Variants in ITGB5 observed in about 807,000 individuals in gnomAD.
ITGB5 encodes the protein integrin beta-5.
A neutral mutation model predicts 84.8 loss-of-function variants in ITGB5; 38 were observed. The observed-to-expected ratio is 0.45, with a 90% CI of 0.35 to 0.59. ITGB5 has a LOEUF of 0.59. ITGB5 is among the 20% of genes least tolerant of loss of function. ITGB5 has a pLI of 0.01. For synonymous variants in ITGB5, 393 were observed against 414.4 expected (o/e 0.95, Z 0.63); for missense variants, 905 against 1,034.5 (o/e 0.87, Z 1.72).
intron 5 of ITGB5, among the ~76,000 whole-genome samples, chr3:124,823,883 A>G (rs1006836451): frequency 2.0e-5 from 3 of 152,174 alleles, no homozygotes; most frequent in African/African-American, 7.2e-5. Flanking sequence ...CTAGCAAGGA[A>G]GCAGAAAACC....
intron 10 of ITGB5, among the ~76,000 whole-genome samples, chr3:124,785,948 A>C (rs551224266): frequency 6.6e-6 from 1 of 152,340 alleles, no homozygotes; most frequent in East Asian, 1.9e-4. Context: ...ATTTAGGTAG[A>C]AATGAGCTAA....
In ITGB5 at chr3:124,766,447, TG is replaced by T. The variant is rs557330180; in HGVS notation, c.2018-103del. The T allele has an allele frequency of 1.1e-4, 156 of 1,381,374 alleles. 1 individual carries two copies. The African/African-American group carries it at 1.7e-3, about 15-fold the overall frequency. The allele number at this position is 1,381,374 out of a possible 1,614,324, so 85.6% of individuals were successfully genotyped here. A position where few individuals can be genotyped will look rare whatever the true frequency, so the allele number is the denominator to read the frequency against. On this transcript the variant is annotated intron_variant, in intron 12 of 14. Transcript: ENST00000296181. Reference sequence around the variant, plus strand: ...GAGTGCCTTGAAAAAGGAAAGGGCATGGGGGGTGTGGGCAGAAAATCTTAAG... The same window carrying T: ...GAGTGCCTTGAAAAAGGAAAGGGCATGGGGGTGTGGGCAGAAAATCTTAAG...
At chr3:124,786,022 G>C (rs767348158) in intron 10 of ITGB5, among the ~76,000 whole-genome samples, 4 of 152,156 alleles carry the variant, frequency 2.6e-5, no homozygotes, top group Non-Finnish European at 5.9e-5. Flanking sequence ...AAAATCACAA[G>C]GAGCCCTAGT....
chr3:124,788,065 G>A (rs1484279098), intron 10 of ITGB5, among the ~76,000 whole-genome samples: 1 of 152,048 alleles, frequency 6.6e-6, no homozygotes, highest in Non-Finnish European at 1.5e-5. Flanking sequence ...ACGCCACCAT[G>A]CCTGGATAAT....
intron 10 of ITGB5, among the ~76,000 whole-genome samples, chr3:124,774,266 C>T (rs1457282507): frequency 6.6e-6 from 1 of 152,196 alleles, no homozygotes; most frequent in Non-Finnish European, 1.5e-5. Flanking sequence ...ATCACTGTTA[C>T]TTTCTACAGC....
In ITGB5 at chr3:124,795,233, T is replaced by A. The variant is rs201300040; in HGVS notation, c.1693+1155A>T. Among the ~76,000 whole-genome samples, 6 of 144,042 alleles carry A rather than the reference T, an allele frequency of 4.2e-5. No homozygotes were observed. The East Asian group carries it at 1.2e-3, about 29-fold the overall frequency. 94.5% of individuals were successfully genotyped at this position (144,042 alleles called of 152,430 possible). ...TGGGCCGGGCACAGTGGCTCACGTC[T>A]ATAATCCCAGTACTTTGGGAGGCTG... On this transcript the variant is annotated intron_variant, in intron 10 of 14. Coordinates refer to ENST00000296181, the MANE Select transcript of ITGB5 (RefSeq NM_002213.5).
At chr3:124,764,179 G>A (rs995096209) in intron 14 of ITGB5, among the ~76,000 whole-genome samples, 2 of 152,194 alleles carry the variant, frequency 1.3e-5, no homozygotes, top group Non-Finnish European at 1.5e-5. Context: ...TGACCTTCCT[G>A]ACCTGGGTCT....
At chr3:124,862,489 T>A (rs2065318611) in intron 2 of ITGB5, 1 of 152,178 alleles carries the variant, frequency 6.6e-6, no homozygotes, top group African/African-American at 2.4e-5. Flanking sequence ...TCAAAGGGAT[T>A]TTTGATGGAT....
chr3:124,770,406 T>A (rs1375425700), intron 11 of ITGB5, among the ~76,000 whole-genome samples: 1 of 152,058 alleles, frequency 6.6e-6, no homozygotes, highest in East Asian at 1.9e-4. Flanking sequence ...CACAGGCCTG[T>A]GGGGACCAAA....
chr3:124,784,204 G>T (rs2064047017), intron 10 of ITGB5, among the ~76,000 whole-genome samples: 1 of 152,186 alleles, frequency 6.6e-6, no homozygotes, highest in African/African-American at 2.4e-5. Flanking sequence ...TCTGGTCTTA[G>T]CCACCTGATT....
chr3:124,865,172 A>G (rs2065368065), intron 2 of ITGB5, among the ~76,000 whole-genome samples: 1 of 152,192 alleles, frequency 6.6e-6, no homozygotes, highest in Admixed American at 6.5e-5. Context: ...AGGGATAAAT[A>G]TCCTTTTGCA....
rs563237798 is a variant in ITGB5 at position 124,884,628 on chromosome 3, T to G, written c.70+2303A>C. On this transcript the variant is annotated intron_variant, in intron 1 of 14. Transcript: ENST00000296181. Reference sequence around the variant, plus strand: ...TCACTTGAACCTGAGAGGCAGAGGTTGTGGTGAGCTGAGATCATGCCACTG... The same window carrying G: ...TCACTTGAACCTGAGAGGCAGAGGTGGTGGTGAGCTGAGATCATGCCACTG... Among the ~76,000 whole-genome samples, 148 of 152,072 alleles carry G rather than the reference T, an allele frequency of 9.7e-4. 3 individuals are homozygous for G. The South Asian group carries it at 0.029, about 30-fold the overall frequency.
intron 10 of ITGB5, among the ~76,000 whole-genome samples, chr3:124,796,018 C>G (rs2064217180): frequency 6.6e-6 from 1 of 152,208 alleles, no homozygotes; most frequent in South Asian, 2.1e-4. Context: ...GGCTAAGGGA[C>G]AGATGGCCAC....
chr3:124,871,200 A>G (rs887767690), intron 2 of ITGB5, among the ~76,000 whole-genome samples: 1 of 143,770 alleles, frequency 7.0e-6, no homozygotes, highest in African/African-American at 2.6e-5. Context: ...GCCTGAATTG[A>G]TTCTTTTTTT....
chr3:124,843,962 A>T (rs1338504458), intron 4 of ITGB5, among the ~76,000 whole-genome samples: 2 of 152,210 alleles, frequency 1.3e-5, no homozygotes, highest in Non-Finnish European at 2.9e-5. Flanking sequence ...CCAGAAAACA[A>T]TCTAATGCCT....
At chr3:124,813,140 C>G (rs1434436913) in intron 8 of ITGB5, among the ~76,000 whole-genome samples, 1 of 152,316 alleles carries the variant, frequency 6.6e-6, no homozygotes, top group South Asian at 2.1e-4. Flanking sequence ...GGGGCCCGTG[C>G]TGGGGCTCAA....
intron 8 of ITGB5, among the ~76,000 whole-genome samples, chr3:124,815,927 G>A (rs1380137209): frequency 2.0e-5 from 3 of 152,198 alleles, no homozygotes; most frequent in Admixed American, 1.3e-4. Context: ...TGCACTCTGG[G>A]TTCTGAAGTG....
At chr3:124,765,178 A>G (rs775328305) in intron 13 of ITGB5, among the ~76,000 whole-genome samples, 5 of 152,118 alleles carry the variant, frequency 3.3e-5, no homozygotes, top group Non-Finnish European at 7.3e-5. Context: ...GATTGAAGAG[A>G]GCAAATCTTT....
At chr3:124,820,546 C>T (rs1402679233) in intron 6 of ITGB5, among the ~76,000 whole-genome samples, 1 of 152,138 alleles carries the variant, frequency 6.6e-6, no homozygotes, top group Non-Finnish European at 1.5e-5. Context: ...AGATGGAAGG[C>T]TTGGGCACTG....
Sources: gnomAD v4.1 joint callset for allele counts (sites outside exome capture counted in the v4.1 genomes callset) on GRCh38, gnomAD v4.1.1 for gene constraint, MANE v1.5 for transcripts, NCBI Gene and HGNC (gene_info 2026-07-23, HGNC 2026-07-21) for gene names.